Variants in FKBP9 observed in about 807,000 individuals in gnomAD.
FKBP9 encodes FKBP prolyl isomerase 9, also known as peptidyl-prolyl cis-trans isomerase FKBP9.
Under a neutral mutation model 55.6 loss-of-function variants are expected in FKBP9, and 27 were observed. The ratio of observed to expected loss-of-function variants is 0.49; its 90% CI spans 0.36 to 0.67. The LOEUF is 0.67. FKBP9 is among the 30% of genes least tolerant of loss of function. The pLI is 0.00. For missense variants in FKBP9, 539 were observed against 742.8 expected, an observed-to-expected ratio of 0.73 and a Z score of 3.19; for synonymous variants, 267 against 296.5, an observed-to-expected ratio of 0.90 and a Z score of 1.02.
intron 6 of FKBP9, among the ~76,000 whole-genome samples, chr7:32,991,587 T>C (rs1233809992): frequency 2.0e-5 from 3 of 151,790 alleles, no homozygotes; most frequent in African/African-American, 7.3e-5. Context: ...AATTGTGGGC[T>C]GACCGTGTGC....
Position 32,970,227 on chromosome 7 carries a change from C to T in FKBP9, c.222-4390C>T, listed in dbSNP as rs3109429. Among the ~76,000 whole-genome samples the T allele has an allele frequency of 4.6e-5, 7 of 152,072 alleles. No individual in the cohort carries two copies. In the East Asian group the frequency reaches 1.4e-3, roughly 30 times the overall value. On this transcript the variant is annotated intron_variant, in intron 1 of 9. Coordinates refer to ENST00000242209, the MANE Select transcript of FKBP9 (RefSeq NM_007270.5). Reference sequence around the variant, plus strand: ...CTTTCTTTTTTTAGAGACAGAGTCTCGCTCTGTCGCCCAGACTGGAGTGAA... The same window carrying T: ...CTTTCTTTTTTTAGAGACAGAGTCTTGCTCTGTCGCCCAGACTGGAGTGAA...
intron 4 of FKBP9, among the ~76,000 whole-genome samples, chr7:32,977,346 T>G (rs1340298686): frequency 6.6e-6 from 1 of 152,226 alleles, no homozygotes; most frequent in Admixed American, 6.5e-5. Context: ...TGCATTGTTG[T>G]GCAAATGCCA....
chr7:32,994,984 T>G (rs191752819), intron 6 of FKBP9: 35 of 155,646 alleles, frequency 2.2e-4, no homozygotes, highest in African/African-American at 8.4e-4. Context: ...TTTCTTTCTT[T>G]TTTGAGGACG....
intron 6 of FKBP9, among the ~76,000 whole-genome samples, chr7:32,995,402 G>A (rs528831749): frequency 1.1e-4 from 17 of 152,234 alleles, no homozygotes; most frequent in African/African-American, 3.6e-4. Flanking sequence ...TGATGCATAT[G>A]TTTAAGTGTC....
intron 4 of FKBP9, among the ~76,000 whole-genome samples, chr7:32,977,034 G>A (rs1784375338): frequency 2.0e-5 from 3 of 152,202 alleles, no homozygotes; most frequent in South Asian, 4.1e-4. Flanking sequence ...TTCCCCGTTT[G>A]CACCTCTATG....
intron 1 of FKBP9, among the ~76,000 whole-genome samples, chr7:32,965,813 ATAT>A (rs1470637639): frequency 1.9e-3 from 27 of 14,012 alleles, no homozygotes; most frequent in African/African-American, 6.7e-3. Flanking sequence ...AAAAAAAAAA[ATAT>A]ATATATATAT....
chr7:33,000,384 GT>G, intron 8 of FKBP9, 124 bp downstream of exon 8: 1 of 1,362,756 alleles, frequency 7.3e-7, no homozygotes, highest in Non-Finnish European at 9.8e-7. Context: ...AGAGTGTGTG[GT>G]TTCTATTTTT....
At chr7:32,977,028 C>T (rs865802071) in intron 4 of FKBP9, among the ~76,000 whole-genome samples, 2 of 152,198 alleles carry the variant, frequency 1.3e-5, no homozygotes, top group Admixed American at 6.5e-5. Flanking sequence ...CCAGATTTCC[C>T]CGTTTGCACC....
At chr7:32,976,744 T>C (rs1214668156) in intron 4 of FKBP9, among the ~76,000 whole-genome samples, 1 of 152,208 alleles carries the variant, frequency 6.6e-6, no homozygotes, top group Non-Finnish European at 1.5e-5. Flanking sequence ...TAGTGGACAG[T>C]GCAGATACAG....
At chr7:32,967,600 G>A (rs911476481) in intron 1 of FKBP9, among the ~76,000 whole-genome samples, 2 of 152,116 alleles carry the variant, frequency 1.3e-5, no homozygotes, top group African/African-American at 4.8e-5. Context: ...CATTGTGTGT[G>A]TATACCACAT....
rs748298046 is a variant in FKBP9 at position 32,977,870 on chromosome 7, C to CATATATATATATATATATATAT, written c.703+1383_703+1384insATATATATATATATATATATAT. ...ACACTCATATATATATATACATGCC[C>CATATATATATATATATATATAT]ATATATATATATGTATATATACACT... On this transcript the variant is annotated intron_variant, in intron 4 of 9. Transcript: ENST00000242209. Among the ~76,000 whole-genome samples, 9 of 124,640 alleles carry CATATATATATATATATATATAT rather than the reference C, an allele frequency of 7.2e-5. 1 individual carries two copies. Among genetic ancestry groups the CATATATATATATATATATATAT allele is most frequent in the East Asian group, 2.5e-4 (1 of 4,030 alleles). The allele number at this position is 124,640 out of a possible 152,430, so 81.8% of individuals were successfully genotyped here.
intron 1 of FKBP9, among the ~76,000 whole-genome samples, chr7:32,973,816 G>T (rs1352537862): frequency 2.2e-5 from 1 of 44,702 alleles, no homozygotes; most frequent in Non-Finnish European, 4.5e-5. Context: ...TCAGCCTCCC[G>T]AGTAGCTGGG....
At chr7:32,996,743 CTTTCTTT>C (rs1218485762) in intron 7 of FKBP9, among the ~76,000 whole-genome samples, 1,578 of 21,804 alleles carry the variant, frequency 0.072, 32 homozygotes, top group African/African-American at 0.15. Context: ...TCCTTCCTTT[CTTTCTTT>C]TTTTTTTTTT....
At chr7:32,997,035 C>A (rs1293147903) in intron 7 of FKBP9, among the ~76,000 whole-genome samples, 1 of 151,612 alleles carries the variant, frequency 6.6e-6, no homozygotes, top group African/African-American at 2.4e-5. Context: ...ACCTCATGAT[C>A]CACCCGCCTC....
At chr7:32,960,222 C>A (rs1395283742) in intron 1 of FKBP9, among the ~76,000 whole-genome samples, 1 of 145,112 alleles carries the variant, frequency 6.9e-6, no homozygotes, top group African/African-American at 2.6e-5. Context: ...TCAAGCAATT[C>A]TCTTACCTCA....
chr7:32,966,190 C>CAAAAAAA (rs60022113), intron 1 of FKBP9, among the ~76,000 whole-genome samples: 1 of 77,226 alleles, frequency 1.3e-5, no homozygotes, highest in African/African-American at 5.3e-5. Context: ...GACGCCATCT[C>CAAAAAAA]AAAAAAAAAA....
At chr7:32,959,930 T>TC (rs1783987356) in intron 1 of FKBP9, among the ~76,000 whole-genome samples, 1 of 152,146 alleles carries the variant, frequency 6.6e-6, no homozygotes, top group Admixed American at 6.6e-5. Flanking sequence ...ATGTACCTTT[T>TC]CCTTTTTTTG....
rs1220953147 is a variant in FKBP9 at position 32,980,344 on chromosome 7, C to T, written c.704-20C>T. On this transcript the variant is annotated intron_variant, in intron 4 of 9. Transcript: ENST00000242209. ...TAAATCCTGTGTCCCGTTTAATCAT[C>T]TTCTCCCATTCCATTCTAGGGAAAG... is the stretch of plus-strand genomic sequence containing the variant. The T allele has an allele frequency of 6.3e-7, 1 of 1,597,156 alleles. No individual in the cohort carries two copies. The highest frequency in any genetic ancestry group is 8.6e-7 in the Non-Finnish European group (1 of 1,167,502).
At chr7:32,981,542 C>T (rs1281424348) in intron 5 of FKBP9, among the ~76,000 whole-genome samples, 1 of 152,082 alleles carries the variant, frequency 6.6e-6, no homozygotes, top group African/African-American at 2.4e-5. Context: ...ACAGCAACCT[C>T]CCTGTCTCTG....
Sources: allele counts gnomAD v4.1 joint callset (sites outside exome capture counted in the v4.1 genomes callset), GRCh38; gene constraint gnomAD v4.1.1; transcripts MANE v1.5; gene names NCBI Gene and HGNC (gene_info 2026-07-23, HGNC 2026-07-21).